The following USP49 variants were observed in gnomAD, a reference collection of about 807,000 sequenced individuals.
USP49 encodes the protein ubiquitin carboxyl-terminal hydrolase 49.
A neutral mutation model predicts 58.6 loss-of-function variants in USP49; 24 were observed. The observed-to-expected ratio is 0.41, with a 90% CI of 0.30 to 0.58. The LOEUF (loss-of-function observed/expected upper bound fraction) is 0.58, where lower values mean the gene tolerates loss of function less well. Among genes scored for constraint, USP49 ranks in the 20% least tolerant of loss-of-function variants. USP49 has a pLI of 0.30. For synonymous variants in USP49, 408 were observed against 365.1 expected (o/e 1.12, Z -1.34); for missense variants, 703 against 866.1 (o/e 0.81, Z 2.36).
At chr6:41,873,797 A>T (rs9369312) in intron 2 of USP49, among the ~76,000 whole-genome samples, 29,734 of 152,170 alleles carry the variant, frequency 0.2, 3,304 homozygotes, top group East Asian at 0.29. Context: ...GAAGGGTAAC[A>T]ACTTCAATAA....
At chr6:41,875,296 A>G (rs1416320112) in intron 2 of USP49, among the ~76,000 whole-genome samples, 1 of 152,174 alleles carries the variant, frequency 6.6e-6, no homozygotes, top group Non-Finnish European at 1.5e-5. Context: ...CATTTAAGTC[A>G]GTAAATAACT....
intron 3 of USP49, among the ~76,000 whole-genome samples, chr6:41,858,132 T>A (rs1307358930): frequency 6.6e-6 from 1 of 152,160 alleles, no homozygotes; most frequent in Non-Finnish European, 1.5e-5. Flanking sequence ...CATTCAGGTA[T>A]CTTCCTGGCT....
intron 3 of USP49, among the ~76,000 whole-genome samples, chr6:41,863,662 A>G (rs1774261271): frequency 6.6e-6 from 1 of 152,230 alleles, no homozygotes; most frequent in Non-Finnish European, 1.5e-5. Flanking sequence ...GTGATTATAT[A>G]AAATAATGTA....
Position 41,791,486 on chromosome 6 carries a change from T to C in USP49, c.*5047A>G, listed in dbSNP as rs889591724. ...TAAATAAAACTACTTAATCTACAACTTTCAAAAATTGATGAGTAATCACTA... is the reference window on the plus strand; with the variant it reads ...TAAATAAAACTACTTAATCTACAACCTTCAAAAATTGATGAGTAATCACTA... On this transcript the variant is annotated 3_prime_UTR_variant, in exon 8 of 8. Transcript: ENST00000682992. 6.6e-6 allele frequency: 1 copy of C among 152,236 alleles called. No individual in the cohort carries two copies. 9.4% of individuals were successfully genotyped at this position (152,236 alleles called of 1,614,324 possible). A position where few individuals can be genotyped will look rare whatever the true frequency, so the allele number is the denominator to read the frequency against.
At chr6:41,798,011 G>A (rs1057512537) in intron 7 of USP49, 10 of 169,370 alleles carry the variant, frequency 5.9e-5, no homozygotes, top group East Asian at 1.9e-4. Context: ...AGGATCACAG[G>A]TGCACACCAT....
intron 3 of USP49, among the ~76,000 whole-genome samples, chr6:41,840,870 T>C (rs1430346701): frequency 6.6e-6 from 1 of 152,028 alleles, no homozygotes; most frequent in African/African-American, 2.4e-5. Context: ...AATTAAATAT[T>C]GGCCTGGCAG....
chr6:41,840,697 A>G (rs1280931962), intron 3 of USP49, among the ~76,000 whole-genome samples: 4 of 152,166 alleles, frequency 2.6e-5, no homozygotes, highest in African/African-American at 7.2e-5. Context: ...TTTTCATTTT[A>G]TAACACTGTG....
chr6:41,824,408 T>TAA (rs551195694), intron 3 of USP49, among the ~76,000 whole-genome samples: 2 of 145,366 alleles, frequency 1.4e-5, no homozygotes, highest in South Asian at 4.3e-4. Context: ...TTTAGATGTT[T>TAA]AAAAAAAAAA....
chr6:41,821,510 C>T (rs555080644), intron 3 of USP49, among the ~76,000 whole-genome samples: 2 of 152,264 alleles, frequency 1.3e-5, no homozygotes, highest in South Asian at 2.1e-4. Flanking sequence ...TGGTAGCTCA[C>T]GCCTGTAATC....
chr6:41,796,799 T>C (rs558818812), intron 7 of USP49, 76 bp from the exon 8 acceptor site: 5 of 682,446 alleles, frequency 7.3e-6, no homozygotes, highest in Non-Finnish European at 1.4e-5. Context: ...AATCAGGAGA[T>C]GAAGAAAGGG....
intron 2 of USP49, among the ~76,000 whole-genome samples, chr6:41,891,539 GT>G (rs1192859785): frequency 2.0e-5 from 3 of 152,144 alleles, no homozygotes; most frequent in Non-Finnish European, 2.9e-5. Flanking sequence ...CATTATATGT[GT>G]GTTGGCTACT....
rs963982371 is a variant in USP49 at position 41,807,018 on chromosome 6, C to T, written c.-28-7G>A. 3.7e-6 allele frequency: 5 copies of T among 1,352,092 alleles called. No homozygotes were observed. In the African/African-American group the frequency reaches 4.5e-5, roughly 12 times the overall value. 83.8% of individuals were successfully genotyped at this position (1,352,092 alleles called of 1,614,324 possible). On this transcript the variant is annotated splice_region_variant and splice_polypyrimidine_tract_variant and intron_variant, in intron 3 of 7. Coordinates refer to ENST00000682992, the MANE Select transcript of USP49 (RefSeq NM_001286554.2). ...AAGTCGCCACTTTCTCAACCTGGCA[C>T]GACAGAGTCCCCAAAAAAGAAAAAG...
rs566019957 is a variant in USP49 at position 41,796,246 on chromosome 6, C to A, written c.*287G>T. 1 of 310,166 alleles carries A rather than the reference C, an allele frequency of 3.2e-6. No homozygotes were observed. Among genetic ancestry groups the A allele is most frequent in the Non-Finnish European group, 6.1e-6 (1 of 164,676 alleles). The allele number at this position is 310,166 out of a possible 1,614,324, so 19.2% of individuals were successfully genotyped here. On this transcript the variant is annotated 3_prime_UTR_variant, in exon 8 of 8. Coordinates refer to ENST00000682992, the MANE Select transcript of USP49 (RefSeq NM_001286554.2). Reference sequence around the variant, plus strand: ...TGTGGATATGATTGATTTACCCCCCCGCCCCGCTTTCCTCCACCCAGATCC... The same window carrying A: ...TGTGGATATGATTGATTTACCCCCCAGCCCCGCTTTCCTCCACCCAGATCC...
At chr6:41,890,382 A>C (rs1241421870) in intron 2 of USP49, among the ~76,000 whole-genome samples, 3 of 151,454 alleles carry the variant, frequency 2.0e-5, no homozygotes, top group Non-Finnish European at 4.4e-5. Context: ...CCAACTCAAA[A>C]AAAAAAAAAC....
chr6:41,865,013 C>T (rs914602939), intron 3 of USP49, among the ~76,000 whole-genome samples: 7 of 151,968 alleles, frequency 4.6e-5, no homozygotes, highest in African/African-American at 1.7e-4. Flanking sequence ...AATTTAACAT[C>T]CTTTGGTATC....
At chr6:41,854,479 G>A (rs1287816592) in intron 3 of USP49, among the ~76,000 whole-genome samples, 1 of 152,094 alleles carries the variant, frequency 6.6e-6, no homozygotes, top group Non-Finnish European at 1.5e-5. Flanking sequence ...CGAGATGAAT[G>A]AGTTCCCCAA....
At chr6:41,850,760 G>A (rs1263131365) in intron 3 of USP49, among the ~76,000 whole-genome samples, 1 of 151,544 alleles carries the variant, frequency 6.6e-6, no homozygotes, top group Non-Finnish European at 1.5e-5. Flanking sequence ...GCGCCACCAC[G>A]CCCAGCTAAT....
At chr6:41,844,421 G>C (rs952651771) in intron 3 of USP49, among the ~76,000 whole-genome samples, 1 of 151,570 alleles carries the variant, frequency 6.6e-6, no homozygotes, top group Non-Finnish European at 1.5e-5. Context: ...AGGTTCAAGC[G>C]ATTCTCTTCA....
At chr6:41,893,300 A>T (rs1026401123) in intron 1 of USP49, among the ~76,000 whole-genome samples, 4 of 152,222 alleles carry the variant, frequency 2.6e-5, no homozygotes, top group African/African-American at 2.4e-5. Context: ...AAGGCAGCTC[A>T]GGAACTCAAA....
Sources: allele counts gnomAD v4.1 joint callset (sites outside exome capture counted in the v4.1 genomes callset), GRCh38; gene constraint gnomAD v4.1.1; transcripts MANE v1.5; gene names NCBI Gene and HGNC (gene_info 2026-07-23, HGNC 2026-07-21).